Variants in RGS18 observed in about 807,000 individuals in gnomAD.
The protein encoded by RGS18 is regulator of G-protein signaling 18.
In RGS18, 22 loss-of-function variants were observed where a neutral mutation model predicts 27.6. The observed-to-expected ratio is 0.80, with a 90% confidence interval of 0.57 to 1.14. The LOEUF (loss-of-function observed/expected upper bound fraction) is 1.14. Ranked by LOEUF, RGS18 falls within the 50% of genes most tolerant of loss-of-function variation. The pLI is 0.00. For synonymous variants in RGS18, 89 were observed against 84.6 expected (o/e 1.05, Z -0.29); for missense variants, 299 against 269.6 (o/e 1.11, Z -0.76).
chr1:192,175,494 G>A (rs1291773140), intron 3 of RGS18, among the ~76,000 whole-genome samples: 1 of 151,756 alleles, frequency 6.6e-6, no homozygotes, highest in East Asian at 1.9e-4. Flanking sequence ...TCTCAGAATT[G>A]TCTTAGTATG....
chr1:192,174,869 T>G (rs1656331675), intron 3 of RGS18, among the ~76,000 whole-genome samples: 1 of 151,878 alleles, frequency 6.6e-6, no homozygotes, highest in Admixed American at 6.6e-5. Flanking sequence ...TTAATTGGAA[T>G]GTTTAGCTCA....
chr1:192,172,235 T>G (rs917311811), intron 3 of RGS18, among the ~76,000 whole-genome samples: 2 of 152,030 alleles, frequency 1.3e-5, no homozygotes, highest in East Asian at 3.9e-4. Context: ...ATGGGAGAAG[T>G]TCCCCCAGGA....
intron 3 of RGS18, among the ~76,000 whole-genome samples, chr1:192,175,526 G>A (rs207460892): frequency 1.3e-5 from 2 of 151,868 alleles, no homozygotes; most frequent in Non-Finnish European, 2.9e-5. Context: ...TTTCTTAGTA[G>A]TAGGACAAGA....
chr1:192,183,157 T>A (rs1333573133), intron 4 of RGS18, among the ~76,000 whole-genome samples: 1 of 151,570 alleles, frequency 6.6e-6, no homozygotes, highest in Non-Finnish European at 1.5e-5. Context: ...TTTACATAGT[T>A]TTTTTTATAA....
At chr1:192,177,900 A>G (rs927726321) in intron 3 of RGS18, among the ~76,000 whole-genome samples, 6 of 151,742 alleles carry the variant, frequency 4.0e-5, no homozygotes, top group African/African-American at 1.4e-4. Flanking sequence ...GTGAAGAATC[A>G]TAATAAAATT....
chr1:192,165,453 T>C (rs1656147750), intron 3 of RGS18, among the ~76,000 whole-genome samples: 1 of 152,186 alleles, frequency 6.6e-6, no homozygotes, highest in South Asian at 2.1e-4. Context: ...ACCCACACTG[T>C]GTTCGTACAC....
chr1:192,167,623 GT>G (rs1391151222), intron 3 of RGS18, among the ~76,000 whole-genome samples: 1 of 152,048 alleles, frequency 6.6e-6, no homozygotes, highest in African/African-American at 2.4e-5. Context: ...GTTTCACCAT[GT>G]TGGCCAGGCT....
At chr1:192,170,639 T>G (rs1489249499) in intron 3 of RGS18, among the ~76,000 whole-genome samples, 1 of 149,096 alleles carries the variant, frequency 6.7e-6, no homozygotes, top group Admixed American at 6.7e-5. Context: ...TATTCCAAGA[T>G]CATTACAGAA....
chr1:192,162,387 C>A (rs1453938738), intron 3 of RGS18, among the ~76,000 whole-genome samples: 1 of 152,114 alleles, frequency 6.6e-6, no homozygotes, highest in Non-Finnish European at 1.5e-5. Context: ...CAGCTCATTG[C>A]AACCTCCACC....
rs1173006145 is a variant in RGS18, at chr1:192,158,580, A to C, written c.-58A>C. The C allele has an allele frequency of 7.1e-7, 1 of 1,418,202 alleles. No homozygotes were observed. Among genetic ancestry groups the C allele is most frequent in the Non-Finnish European group, 9.4e-7 (1 of 1,059,924 alleles). The allele number at this position is 1,418,202 out of a possible 1,614,324, so 87.9% of individuals were successfully genotyped here. On this transcript the variant is annotated 5_prime_UTR_variant, in exon 1 of 5. Coordinates refer to ENST00000367460, the MANE Select transcript of RGS18 (RefSeq NM_130782.3). ...CTATGTATATGTATGGAATAGTATT[A>C]ATAAATGAACTAGGGAAGGATGTAA...
chr1:192,168,553 C>T (rs1656200379), intron 3 of RGS18: 2 of 152,152 alleles, frequency 1.3e-5, no homozygotes, highest in African/African-American at 4.8e-5. Context: ...AGAGTCGACA[C>T]TCATGCTTGT....
intron 3 of RGS18, among the ~76,000 whole-genome samples, chr1:192,163,810 C>A (rs1656112841): frequency 1.3e-5 from 2 of 150,864 alleles, no homozygotes; most frequent in Non-Finnish European, 3.0e-5. Flanking sequence ...TGGTTAAATT[C>A]AGTTTATTTC....
intron 3 of RGS18, among the ~76,000 whole-genome samples, chr1:192,162,234 A>G (rs1307383529): frequency 6.6e-6 from 1 of 152,158 alleles, no homozygotes; most frequent in African/African-American, 2.4e-5. Context: ...CATTTCCAGT[A>G]TACGACAATT....
Position 192,161,952 on chromosome 1 carries a change from C to T in RGS18, c.283+1513C>T, listed in dbSNP as rs1223568719. ...TTCTGAATTTAGTGATATAAAAATT[C>T]TATATCTGTAGATGATACCTGAAAA... On this transcript the variant is annotated intron_variant, in intron 3 of 4. Coordinates refer to ENST00000367460, the MANE Select transcript of RGS18 (RefSeq NM_130782.3). Among the ~76,000 whole-genome samples, 4 of 152,166 alleles carry T rather than the reference C, an allele frequency of 2.6e-5. No homozygotes were observed. In the East Asian group the frequency reaches 7.7e-4, roughly 29 times the overall value.
intron 3 of RGS18, among the ~76,000 whole-genome samples, chr1:192,174,400 A>T (rs887391285): frequency 6.6e-6 from 1 of 151,804 alleles, no homozygotes; most frequent in East Asian, 1.9e-4. Flanking sequence ...ATTTGAAAAG[A>T]TGTGTTTGGT....
intron 3 of RGS18, chr1:192,168,404 T>C (rs1226177207): frequency 1.3e-5 from 2 of 152,178 alleles, no homozygotes; most frequent in Admixed American, 6.6e-5. Flanking sequence ...AGTTAATGCA[T>C]CATGAGCACT....
At chr1:192,160,915 C>T (rs988073205) in intron 3 of RGS18, among the ~76,000 whole-genome samples, 1 of 152,136 alleles carries the variant, frequency 6.6e-6, no homozygotes, top group East Asian at 1.9e-4. Flanking sequence ...TGCAGTGGCG[C>T]CATCTCGGCT....
chr1:192,164,462 C>A (rs542154327), intron 3 of RGS18, among the ~76,000 whole-genome samples: 1 of 151,808 alleles, frequency 6.6e-6, no homozygotes, highest in South Asian at 2.1e-4. Context: ...TCTGATAATT[C>A]TATTTTATTC....
intron 4 of RGS18, among the ~76,000 whole-genome samples, chr1:192,183,075 A>G (rs1294405229): frequency 6.6e-6 from 1 of 151,588 alleles, no homozygotes; most frequent in Non-Finnish European, 1.5e-5. Flanking sequence ...ACTGCCCTAA[A>G]ATATTAATTA....
Sources: gnomAD v4.1 joint callset for allele counts (sites outside exome capture counted in the v4.1 genomes callset) on GRCh38, gnomAD v4.1.1 for gene constraint, MANE v1.5 for transcripts, NCBI Gene and HGNC (gene_info 2026-07-23, HGNC 2026-07-21) for gene names.